The following ZNF536 variants were observed in gnomAD, a reference collection of about 807,000 sequenced individuals.
ZNF536 encodes zinc finger protein 536.
A neutral mutation model predicts 84.5 loss-of-function variants in ZNF536; 13 were observed. The observed-to-expected ratio is 0.15, with a 90% CI of 0.10 to 0.24. The LOEUF (loss-of-function observed/expected upper bound fraction) is 0.24, where lower values mean the gene tolerates loss of function less well. Among genes scored for constraint, ZNF536 ranks in the 10% least tolerant of loss-of-function variants. ZNF536 has a pLI of 1.00. For missense variants in ZNF536, 1,536 were observed against 1,747.5 expected (o/e 0.88, Z 2.16); for synonymous variants, 811 against 742.5 (o/e 1.09, Z -1.50).
chr19:30,311,121 C>T (rs960707274), intron 2 of ZNF536, among the ~76,000 whole-genome samples: 1 of 152,164 alleles, frequency 6.6e-6, no homozygotes, highest in South Asian at 2.1e-4. Flanking sequence ...TGGCGCTGCT[C>T]ATGCCTCCAG....
chr19:30,647,244 C>G (rs2049509083), intron 1 of ZNF536, among the ~76,000 whole-genome samples: 1 of 152,196 alleles, frequency 6.6e-6, no homozygotes, highest in Non-Finnish European at 1.5e-5. Context: ...CCAATATCTT[C>G]CCCACTGCTC....
At chr19:30,289,107 G>A (rs11084516) in intron 2 of ZNF536, among the ~76,000 whole-genome samples, 34,430 of 151,872 alleles carry the variant, frequency 0.23, 4,737 homozygotes, top group East Asian at 0.54. Flanking sequence ...GGATTTGCTT[G>A]GTGTTTGGAG....
chr19:30,460,795 A>G (rs562819282), intron 2 of ZNF536, among the ~76,000 whole-genome samples: 4 of 152,244 alleles, frequency 2.6e-5, no homozygotes, highest in East Asian at 1.9e-4. Flanking sequence ...TGGCCCACAC[A>G]TAAAAGAGAG....
chr19:30,710,191 G>A (rs1258268153), intron 1 of ZNF536, among the ~76,000 whole-genome samples: 1 of 152,050 alleles, frequency 6.6e-6, no homozygotes, highest in African/African-American at 2.4e-5. Flanking sequence ...ACCCTTTATA[G>A]AAAAAAATTC....
At chr19:30,470,748 T>A (rs1167793112) in intron 2 of ZNF536, among the ~76,000 whole-genome samples, 1 of 149,734 alleles carries the variant, frequency 6.7e-6, no homozygotes, top group Non-Finnish European at 1.5e-5. Flanking sequence ...TGCAGTGGTG[T>A]GGTCTCGGCT....
chr19:30,398,830 G>A (rs1399610040), intron 1 of ZNF536, among the ~76,000 whole-genome samples: 1 of 152,118 alleles, frequency 6.6e-6, no homozygotes, highest in Admixed American at 6.5e-5. Flanking sequence ...TGGGCATTTG[G>A]GTTGGTTCCA....
At chr19:30,550,729 T>C (rs1274267292) in intron 4 of ZNF536, among the ~76,000 whole-genome samples, 3 of 152,236 alleles carry the variant, frequency 2.0e-5, no homozygotes, top group Non-Finnish European at 2.9e-5. Flanking sequence ...AGCTAGACTC[T>C]GGGTTCATAA....
chr19:30,516,176 T>G (rs1030629066), intron 2 of ZNF536, among the ~76,000 whole-genome samples: 1 of 151,862 alleles, frequency 6.6e-6, no homozygotes, highest in Admixed American at 6.6e-5. Flanking sequence ...TTTGCTGTGG[T>G]CTAATTGCTC....
At chr19:30,627,684 C>G (rs4805590) in intron 1 of ZNF536, among the ~76,000 whole-genome samples, 1 of 151,814 alleles carries the variant, frequency 6.6e-6, no homozygotes, top group African/African-American at 2.4e-5. Context: ...TCCGCAGATT[C>G]TCTGAAGGCT....
intron 1 of ZNF536, among the ~76,000 whole-genome samples, chr19:30,277,289 G>A (rs1440634788): frequency 1.3e-5 from 2 of 152,076 alleles, no homozygotes; most frequent in Non-Finnish European, 2.9e-5. Context: ...GAGCATCTTG[G>A]CTTTTTTTCA....
chr19:30,383,446 C>T (rs2049102116), intron 1 of ZNF536, among the ~76,000 whole-genome samples: 1 of 152,188 alleles, frequency 6.6e-6, no homozygotes, highest in South Asian at 2.1e-4. Flanking sequence ...TGACAAGTTC[C>T]AGGAGGCCCT....
chr19:30,441,932 C>A lies in ZNF536; in HGVS notation c.-2-1629C>A, dbSNP rs547586169. Among the ~76,000 whole-genome samples, 130 of 152,360 alleles carry A rather than the reference C, an allele frequency of 8.5e-4. 1 individual carries two copies. Among genetic ancestry groups the A allele is most frequent in the Admixed American group, 8.5e-3 (130 of 15,310 alleles). Reference sequence around the variant, plus strand: ...CGCAGTCTCCTGGCGGGAGGCCCAGCAAGCAGCAGACCCTGCCGAGGCTGC... The same window carrying A: ...CGCAGTCTCCTGGCGGGAGGCCCAGAAAGCAGCAGACCCTGCCGAGGCTGC... On this transcript the variant is annotated intron_variant, in intron 1 of 4. Transcript: ENST00000355537.
At chr19:30,311,913 T>TA (rs948961057) in intron 2 of ZNF536, among the ~76,000 whole-genome samples, 3 of 150,940 alleles carry the variant, frequency 2.0e-5, no homozygotes, top group Admixed American at 2.0e-4. Context: ...TACGAAAAGT[T>TA]AAAAAAAAAT....
intron 1 of ZNF536, among the ~76,000 whole-genome samples, chr19:30,400,544 ATTGAG>A (rs2050004811): frequency 6.6e-6 from 1 of 151,962 alleles, no homozygotes; most frequent in African/African-American, 2.4e-5. Context: ...TATATTATTT[ATTGAG>A]TTGAGTTTTG....
intron 3 of ZNF536, among the ~76,000 whole-genome samples, chr19:30,354,452 T>C (rs866986142): frequency 1.2e-4 from 18 of 152,282 alleles, no homozygotes; most frequent in Middle Eastern, 6.8e-3. Flanking sequence ...ACTGCAGCCT[T>C]GACCTCCTGG....
chr19:30,605,825 T>G (rs1477529638), intron 1 of ZNF536, among the ~76,000 whole-genome samples: 2 of 152,174 alleles, frequency 1.3e-5, no homozygotes, highest in South Asian at 2.1e-4. Flanking sequence ...TCACAGTCCA[T>G]GTACTTCCAT....
chr19:30,247,441 G>T (rs992123634), intron 1 of ZNF536, among the ~76,000 whole-genome samples: 2 of 152,186 alleles, frequency 1.3e-5, no homozygotes, highest in East Asian at 1.9e-4. Flanking sequence ...TTTGCAGGGG[G>T]TGCTGTTGTC....
chr19:30,643,682 C>T (rs926930690), intron 1 of ZNF536, among the ~76,000 whole-genome samples: 1 of 152,048 alleles, frequency 6.6e-6, no homozygotes, highest in African/African-American at 2.4e-5. Flanking sequence ...GGGCACCAAC[C>T]TGTGTGGAAG....
intron 1 of ZNF536, among the ~76,000 whole-genome samples, chr19:30,440,213 A>C (rs906106135): frequency 2.0e-5 from 3 of 151,418 alleles, no homozygotes; most frequent in African/African-American, 7.3e-5. Context: ...CGCCCACCTC[A>C]GTCTCCCAAA....
Sources: allele counts gnomAD v4.1 joint callset (sites outside exome capture counted in the v4.1 genomes callset), GRCh38; gene constraint gnomAD v4.1.1; transcripts MANE v1.5; gene names NCBI Gene and HGNC (gene_info 2026-07-23, HGNC 2026-07-21).